The following NRIP1 variants were observed in gnomAD, a reference collection of about 807,000 sequenced individuals.
NRIP1 encodes nuclear receptor interacting protein 1.
NRIP1 carries 28 observed loss-of-function variants against 75.0 expected under a neutral mutation model. The ratio of observed to expected loss-of-function variants is 0.37; its 90% confidence interval spans 0.28 to 0.51. The LOEUF is 0.51. NRIP1 is among the 20% of genes least tolerant of loss of function. NRIP1 has a pLI of 0.92. For missense variants in NRIP1, 1,435 were observed against 1,343.7 expected (o/e 1.07, Z -1.06); for synonymous variants, 526 against 487.6 (o/e 1.08, Z -1.04).
rs751342360 is a variant in NRIP1 at position 14,965,068 on chromosome 21, A to G, written c.3125T>C (p.Ile1042Thr). 6.2e-7 allele frequency: 1 copy of G among 1,613,714 alleles called. No individual in the cohort carries two copies. The highest frequency in any genetic ancestry group is 1.3e-5 in the African/African-American group (1 of 74,876). ...GCSMPSEKGP[I>T]KWVITDAEKN... ...CTCCGCATCAGTGATAACCCACTTA[A>G]TGGGTCCTTTCTCACTGGGCATGGA... Residue 1042 changes from isoleucine to threonine, a missense_variant, in exon 4 of 4, where the codon ATT becomes ACT. Transcript: ENST00000318948.
intron 2 of NRIP1, among the ~76,000 whole-genome samples, chr21:15,039,519 T>C (rs949969130): frequency 1.4e-4 from 21 of 152,254 alleles, no homozygotes; most frequent in South Asian, 1.0e-3. Context: ...TCTTGATTTA[T>C]CCCATTTGGC....
At chr21:14,969,799 TATTG>T (rs1426458472) in intron 3 of NRIP1, among the ~76,000 whole-genome samples, 17 of 152,192 alleles carry the variant, frequency 1.1e-4, no homozygotes, top group Non-Finnish European at 1.5e-5. Flanking sequence ...TTGTTGAATT[TATTG>T]ATTAAAAGGA....
rs933719630 is a variant in NRIP1 at position 14,966,422 on chromosome 21, G to C, written c.1771C>G (p.Leu591Val). Residue 591 changes from leucine to valine, a missense_variant, in exon 4 of 4, where the codon CTA becomes GTA. Leu to Val is a conservative substitution (Grantham distance 32). Transcript: ENST00000318948. Reference sequence around the variant, plus strand: ...GAGTGGTTAGATGCAGTATTTGTTAGCTTTTCAGACTGAGTACTGCAGACA... The same window carrying C: ...GAGTGGTTAGATGCAGTATTTGTTACCTTTTCAGACTGAGTACTGCAGACA... ...PYVCSTQSEK[L>V]TNTASNHSMD... 1.2e-6 allele frequency: 2 copies of C among 1,614,078 alleles called. No homozygotes were observed. The highest frequency in any genetic ancestry group is 4.5e-5 in the East Asian group (2 of 44,878).
intron 1 of NRIP1, chr21:15,050,636 T>C (rs2089180886): frequency 2.4e-6 from 1 of 421,996 alleles, no homozygotes; most frequent in Non-Finnish European, 4.8e-6. Flanking sequence ...CAAACTCACG[T>C]GACCACAGTA....
At chr21:15,045,649 G>A (rs1471096462) in intron 1 of NRIP1, among the ~76,000 whole-genome samples, 1 of 152,150 alleles carries the variant, frequency 6.6e-6, no homozygotes, top group East Asian at 1.9e-4. Flanking sequence ...TGCCACATCG[G>A]CTGATTCTTC....
Position 14,966,432 on chromosome 21 carries a change from C to T in NRIP1, c.1761G>A (p.Gln587=), listed in dbSNP as rs762971787. Residue 587 remains glutamine, a synonymous_variant, in exon 4 of 4, where the codon CAG becomes CAA. Transcript: ENST00000318948. Reference sequence around the variant, plus strand: ...ATGCAGTATTTGTTAGCTTTTCAGACTGAGTACTGCAGACATATGGTGGGG... The same window carrying T: ...ATGCAGTATTTGTTAGCTTTTCAGATTGAGTACTGCAGACATATGGTGGGG... ...WNSPPYVCST[Q]SEKLTNTASN... The T allele has an allele frequency of 3.7e-6, 6 of 1,613,922 alleles. No homozygotes were observed. Among genetic ancestry groups the T allele is most frequent in the Non-Finnish European group, 5.1e-6 (6 of 1,179,954 alleles).
intron 1 of NRIP1, among the ~76,000 whole-genome samples, chr21:15,054,141 T>C (rs1409378236): frequency 6.6e-6 from 1 of 152,196 alleles, no homozygotes; most frequent in Non-Finnish European, 1.5e-5. Context: ...ATATACTACT[T>C]AATCCCATAA....
At chr21:14,974,619 G>T (rs956547443) in intron 3 of NRIP1, among the ~76,000 whole-genome samples, 3 of 152,146 alleles carry the variant, frequency 2.0e-5, no homozygotes, top group Non-Finnish European at 4.4e-5. Flanking sequence ...CATAAAAGAT[G>T]AAAGAATACT....
rs1165568664 is a variant in NRIP1, at chr21:14,965,412, G to A, written c.2781C>T (p.Ala927=). ...SASESEHRSW[A]RESKSFNVLK... is the part of the protein sequence containing the mutation. ...GAACATTAAAGCTTTTGCTCTCTCT[G>A]GCCCAACTCCTGTGTTCACTTTCGC... The change falls in exon 4 of 4, where the codon GCC becomes GCT. Residue 927 remains alanine (A), a synonymous_variant. Coordinates refer to ENST00000318948, the MANE Select transcript of NRIP1 (RefSeq NM_003489.4). The A allele has an allele frequency of 6.2e-7, 1 of 1,614,020 alleles. No homozygotes were observed.
rs1045844717 is a variant in NRIP1, at chr21:14,962,128, A to G, written c.*2588T>C. 1.3e-5 allele frequency: 2 copies of G among 150,714 alleles called. No individual in the cohort carries two copies. The highest frequency in any genetic ancestry group is 4.9e-5 in the African/African-American group (2 of 41,208). The allele number at this position is 150,714 out of a possible 1,614,324, so 9.3% of individuals were successfully genotyped here. On this transcript the variant is annotated 3_prime_UTR_variant, in exon 4 of 4. Coordinates refer to ENST00000318948, the MANE Select transcript of NRIP1 (RefSeq NM_003489.4). ...TGAATGCTACCTTACTGATGTCAAT[A>G]AGCTGTAGTACCCTTTCACAAATGA...
intron 2 of NRIP1, among the ~76,000 whole-genome samples, chr21:15,019,176 G>C (rs2088307360): frequency 6.7e-6 from 1 of 148,204 alleles, no homozygotes; most frequent in Non-Finnish European, 1.5e-5. Context: ...AATTGTTTCA[G>C]TGTTAAAACA....
At chr21:15,023,098 T>C (rs537336457) in intron 2 of NRIP1, among the ~76,000 whole-genome samples, 1 of 152,246 alleles carries the variant, frequency 6.6e-6, no homozygotes, top group Admixed American at 6.5e-5. Context: ...AGCTAACAGG[T>C]GTGGAGCTCC....
At chr21:14,987,670 G>A (rs180853850) in intron 3 of NRIP1, among the ~76,000 whole-genome samples, 30 of 152,246 alleles carry the variant, frequency 2.0e-4, no homozygotes, top group Admixed American at 6.5e-4. Flanking sequence ...GTCACTGACC[G>A]TTGATTCCTA....
chr21:15,031,598 A>G (rs1223589353), intron 2 of NRIP1, among the ~76,000 whole-genome samples: 1 of 105,068 alleles, frequency 9.5e-6, no homozygotes, highest in Non-Finnish European at 1.9e-5. Flanking sequence ...CGCTCGGAGG[A>G]TCACCACATT....
In NRIP1 at chr21:14,968,061, A is replaced by G. The variant is rs2086807479; in HGVS notation, c.132T>C (p.His44=). 5.0e-6 allele frequency: 8 copies of G among 1,613,948 alleles called. No individual in the cohort carries two copies. The highest frequency in any genetic ancestry group is 6.8e-6 in the Non-Finnish European group (8 of 1,180,012). The stretch of plus-strand genomic sequence containing the variant: ...TGTTAAAGTTCTGATCCTCTTCATT[A>G]TGCCCAGCAGACTTTTTGTCAACGG... The part of the protein sequence containing the change: ...GTAVDKKSAG[H]NEEDQNFNIS... The change falls in exon 4 of 4, where the codon CAT becomes CAC. Residue 44 remains histidine, a synonymous_variant. Transcript: ENST00000318948.
At chr21:15,004,310 T>C (rs750638198) in intron 3 of NRIP1, among the ~76,000 whole-genome samples, 4 of 152,256 alleles carry the variant, frequency 2.6e-5, no homozygotes, top group Non-Finnish European at 4.4e-5. Context: ...CTGAGAAAAC[T>C]GCTTTGCTAA....
At chr21:14,979,010 T>A (rs1219392148) in intron 3 of NRIP1, among the ~76,000 whole-genome samples, 1 of 152,224 alleles carries the variant, frequency 6.6e-6, no homozygotes, top group Admixed American at 6.5e-5. Flanking sequence ...TCCAGAAAAC[T>A]ATTACATGAC....
intron 3 of NRIP1, among the ~76,000 whole-genome samples, chr21:14,990,157 A>G (rs2087529356): frequency 6.6e-6 from 1 of 152,144 alleles, no homozygotes. Context: ...GAGCTGCTCC[A>G]GAAGGTGAGC....
intron 1 of NRIP1, among the ~76,000 whole-genome samples, chr21:15,047,458 T>C (rs2089107048): frequency 6.6e-6 from 1 of 152,176 alleles, no homozygotes; most frequent in African/African-American, 2.4e-5. Context: ...GAGAATGGCG[T>C]GAACCCAGGA....
Sources: allele counts gnomAD v4.1 joint callset (sites outside exome capture counted in the v4.1 genomes callset), GRCh38; gene constraint gnomAD v4.1.1; transcripts MANE v1.5; gene names NCBI Gene and HGNC (gene_info 2026-07-23, HGNC 2026-07-21).